The following FOXO3 variants were observed in gnomAD, a reference collection of about 807,000 sequenced individuals.
FOXO3 encodes forkhead box protein O3.
A neutral mutation model predicts 41.9 loss-of-function variants in FOXO3; 4 were observed. The ratio of observed to expected loss-of-function variants is 0.10; its 90% CI spans 0.05 to 0.22. The LOEUF is 0.22. FOXO3 is among the 10% of genes least tolerant of loss of function. FOXO3 has a pLI of 1.00. For missense variants in FOXO3, 534 were observed against 906.8 expected (o/e 0.59, Z 5.28); for synonymous variants, 318 against 389.3 (o/e 0.82, Z 2.16).
chr6:108,671,770 G>A (rs985410720), intron 2 of FOXO3, among the ~76,000 whole-genome samples: 8 of 152,194 alleles, frequency 5.3e-5, no homozygotes, highest in Non-Finnish European at 1.2e-4. Context: ...ATTAAAAAGG[G>A]ATCACAGTTA....
chr6:108,577,380 C>T (rs1372882567), intron 1 of FOXO3, among the ~76,000 whole-genome samples: 3 of 152,104 alleles, frequency 2.0e-5, no homozygotes. Context: ...ACATAGTAAC[C>T]TCGGTTTCAC....
At chr6:108,647,750 A>G (rs1476666174) in intron 1 of FOXO3, among the ~76,000 whole-genome samples, 1 of 152,186 alleles carries the variant, frequency 6.6e-6, no homozygotes, top group Admixed American at 6.5e-5. Flanking sequence ...AAAAGAAAAT[A>G]CCAATTTCCT....
chr6:108,670,135 C>T (rs540844694), intron 2 of FOXO3, among the ~76,000 whole-genome samples: 2 of 152,060 alleles, frequency 1.3e-5, no homozygotes, highest in Admixed American at 6.5e-5. Context: ...AGATTGCCTC[C>T]TAGAGGTCCT....
chr6:108,615,334 T>C (rs1217541882), intron 1 of FOXO3, among the ~76,000 whole-genome samples: 1 of 152,134 alleles, frequency 6.6e-6, no homozygotes, highest in Non-Finnish European at 1.5e-5. Context: ...AAAGAGTCTT[T>C]ATTTTATCTT....
At chr6:108,562,060 A>G (rs1775814346) in intron 1 of FOXO3, among the ~76,000 whole-genome samples, 1 of 151,494 alleles carries the variant, frequency 6.6e-6, no homozygotes, top group African/African-American at 2.4e-5. Context: ...TGGCCAGGTG[A>G]GGAGAGGGGG....
chr6:108,604,421 T>C (rs1777136300), intron 1 of FOXO3, among the ~76,000 whole-genome samples: 1 of 152,224 alleles, frequency 6.6e-6, no homozygotes, highest in Non-Finnish European at 1.5e-5. Flanking sequence ...CTTCCTGATA[T>C]ATTTTTTTTC....
chr6:108,676,584 A>C (rs1197968335), intron 2 of FOXO3, among the ~76,000 whole-genome samples: 1 of 152,206 alleles, frequency 6.6e-6, no homozygotes, highest in African/African-American at 2.4e-5. Flanking sequence ...ATCGACACAT[A>C]CACATAAATC....
chr6:108,585,332 C>T (rs368887390), intron 1 of FOXO3, among the ~76,000 whole-genome samples: 2 of 152,198 alleles, frequency 1.3e-5, no homozygotes, highest in South Asian at 2.1e-4. Flanking sequence ...CGTGAGCCAC[C>T]GCGCCCGGCC....
chr6:108,623,370 C>T (rs1777727033), intron 1 of FOXO3, among the ~76,000 whole-genome samples: 1 of 152,294 alleles, frequency 6.6e-6, no homozygotes, highest in South Asian at 2.1e-4. Flanking sequence ...AACCCACCTG[C>T]ACATGTAAAT....
At chr6:108,644,813 T>A (rs1297450077) in intron 1 of FOXO3, among the ~76,000 whole-genome samples, 2 of 152,222 alleles carry the variant, frequency 1.3e-5, no homozygotes, top group Non-Finnish European at 2.9e-5. Flanking sequence ...ACCTTGTTAT[T>A]TTCTCTTATG....
chr6:108,604,482 G>A (rs1040225148), intron 1 of FOXO3, among the ~76,000 whole-genome samples: 25 of 152,272 alleles, frequency 1.6e-4, no homozygotes, highest in African/African-American at 5.8e-4. Flanking sequence ...CCTGAAATGA[G>A]TAGAAATGTT....
At chr6:108,640,602 T>C (rs1778230795) in intron 1 of FOXO3, among the ~76,000 whole-genome samples, 1 of 152,258 alleles carries the variant, frequency 6.6e-6, no homozygotes, top group Admixed American at 6.5e-5. Context: ...TGTGAACATT[T>C]TAGCATTTGT....
chr6:108,635,590 A>G (rs745668079), intron 1 of FOXO3, among the ~76,000 whole-genome samples: 58 of 152,290 alleles, frequency 3.8e-4, no homozygotes, highest in Non-Finnish European at 6.9e-4. Flanking sequence ...GTGTCTTTAG[A>G]CATGTCAGGA....
rs1159028928 is a variant in FOXO3, at chr6:108,585,022, C to CTTTTTTTTTTTTTTTTTT, written c.621+23206_621+23223dup. Among the ~76,000 whole-genome samples the CTTTTTTTTTTTTTTTTTT allele has an allele frequency of 1.4e-4, 7 of 51,522 alleles. 2 individuals are homozygous for CTTTTTTTTTTTTTTTTTT. Among genetic ancestry groups the CTTTTTTTTTTTTTTTTTT allele is most frequent in the Admixed American group, 3.6e-4 (1 of 2,762 alleles). The allele number at this position is 51,522 out of a possible 152,430, so 33.8% of individuals were successfully genotyped here. On this transcript the variant is annotated intron_variant, in intron 1 of 2. Transcript: ENST00000406360. Reference sequence around the variant, plus strand: ...CACCAAGAATTGCTATCTCCAAAATCTTTTTTTTTTTTTTTTTTTTTTTTT... The same window carrying CTTTTTTTTTTTTTTTTTT: ...CACCAAGAATTGCTATCTCCAAAATCTTTTTTTTTTTTTTTTTTTTTTTTTTTTTTTTTTTTTTTTTTT...
At chr6:108,648,903 A>G (rs773233575) in intron 1 of FOXO3, among the ~76,000 whole-genome samples, 5 of 148,398 alleles carry the variant, frequency 3.4e-5, no homozygotes, top group Non-Finnish European at 6.0e-5. Flanking sequence ...AAGCTGAGGT[A>G]GGAGGATCAC....
At position 108,640,016 on chromosome 6, in the gene FOXO3, G is replaced by A. The variant is rs576095296; in HGVS notation, c.622-23439G>A. Among the ~76,000 whole-genome samples, 9 of 152,218 alleles carry A rather than the reference G, an allele frequency of 5.9e-5. No homozygotes were observed. In the East Asian group the frequency reaches 9.7e-4, roughly 16 times the overall value. Reference sequence around the variant, plus strand: ...GACTAGTTCAAAACAGTAAAACATCGCATAAAAGACAGCTCTGTTTTTAAA... The same window carrying A: ...GACTAGTTCAAAACAGTAAAACATCACATAAAAGACAGCTCTGTTTTTAAA... On this transcript the variant is annotated intron_variant, in intron 1 of 2. Coordinates refer to ENST00000406360, the MANE Select transcript of FOXO3 (RefSeq NM_001455.4).
chr6:108,578,683 A>G (rs1307932411), intron 1 of FOXO3, among the ~76,000 whole-genome samples: 1 of 152,150 alleles, frequency 6.6e-6, no homozygotes, highest in Non-Finnish European at 1.5e-5. Context: ...GGACATTCCT[A>G]GTTTTAAAAC....
intron 2 of FOXO3, among the ~76,000 whole-genome samples, chr6:108,674,986 G>T (rs1770526670): frequency 6.6e-6 from 1 of 152,002 alleles, no homozygotes; most frequent in African/African-American, 2.4e-5. Flanking sequence ...CTTTGCTATT[G>T]ACAGTAAATC....
intron 1 of FOXO3, chr6:108,618,406 A>T (rs1261454840): frequency 2.1e-6 from 1 of 486,192 alleles, no homozygotes; most frequent in Non-Finnish European, 3.8e-6. Context: ...CAGATGAAGG[A>T]GAGGGAATTT....
Sources: allele counts gnomAD v4.1 joint callset (sites outside exome capture counted in the v4.1 genomes callset), GRCh38; gene constraint gnomAD v4.1.1; transcripts MANE v1.5; gene names NCBI Gene and HGNC (gene_info 2026-07-23, HGNC 2026-07-21).